The following PCNX2 variants were observed in gnomAD, a reference collection of about 807,000 sequenced individuals.
PCNX2 encodes the protein pecanex-like protein 2.
In PCNX2, 168 loss-of-function variants were observed where a neutral mutation model predicts 223.8. The ratio of observed to expected loss-of-function variants is 0.75; its 90% confidence interval spans 0.66 to 0.85. The LOEUF (loss-of-function observed/expected upper bound fraction) is 0.85. Among genes scored for constraint, PCNX2 ranks in the 40% least tolerant of loss-of-function variants. The pLI is 0.00. For synonymous variants in PCNX2, 1,006 were observed against 1,052.6 expected (o/e 0.96, Z 0.86); for missense variants, 2,507 against 2,675.5 (o/e 0.94, Z 1.39).
At chr1:233,127,890 CAATG>C (rs547604199) in intron 21 of PCNX2, among the ~76,000 whole-genome samples, 90 of 152,328 alleles carry the variant, frequency 5.9e-4, no homozygotes, top group Non-Finnish European at 1.1e-3. Context: ...AGTAAGTGCT[CAATG>C]AATGAACAAT....
intron 23 of PCNX2, among the ~76,000 whole-genome samples, chr1:233,060,842 G>A (rs937032739): frequency 6.6e-6 from 1 of 152,134 alleles, no homozygotes. Flanking sequence ...TACAGAACAA[G>A]AGTCGTATAA....
intron 21 of PCNX2, among the ~76,000 whole-genome samples, chr1:233,097,517 C>T (rs1217240341): frequency 1.3e-5 from 2 of 152,146 alleles, no homozygotes; most frequent in African/African-American, 4.8e-5. Flanking sequence ...GGATTGATCT[C>T]GATTGGTTTC....
chr1:233,016,901 C>A lies in PCNX2; in HGVS notation c.4839+20G>T, dbSNP rs375561904. The A allele has an allele frequency of 3.1e-6, 5 of 1,589,882 alleles. No individual in the cohort carries two copies. Among genetic ancestry groups the A allele is most frequent in the African/African-American group, 1.3e-5 (1 of 74,526 alleles). ...ATTAAACTTACATTCCATGCCTCAGCCCCCACCTCCCTGACCTACCTCTTG... is the reference window on the plus strand; with the variant it reads ...ATTAAACTTACATTCCATGCCTCAGACCCCACCTCCCTGACCTACCTCTTG... On this transcript the variant is annotated intron_variant, in intron 27 of 33. Coordinates refer to ENST00000258229, the MANE Select transcript of PCNX2 (RefSeq NM_014801.4).
At chr1:233,173,954 T>C (rs185503225) in intron 17 of PCNX2, among the ~76,000 whole-genome samples, 1 of 151,242 alleles carries the variant, frequency 6.6e-6, no homozygotes, top group Admixed American at 6.6e-5. Context: ...CACAGAAAAG[T>C]TTTATATACA....
chr1:233,132,318 GTGTC>G (rs897852245), intron 21 of PCNX2, among the ~76,000 whole-genome samples: 5 of 152,126 alleles, frequency 3.3e-5, no homozygotes, highest in African/African-American at 4.8e-5. Context: ...ATGTCGCTGA[GTGTC>G]TGCACCGACT....
At chr1:233,049,657 A>G (rs1326576443) in intron 25 of PCNX2, among the ~76,000 whole-genome samples, 1 of 152,174 alleles carries the variant, frequency 6.6e-6, no homozygotes, top group Non-Finnish European at 1.5e-5. Flanking sequence ...ATAGAAAAAG[A>G]AGTCAAAATA....
intron 17 of PCNX2, among the ~76,000 whole-genome samples, chr1:233,166,741 A>ATC (rs1678819021): frequency 6.6e-6 from 1 of 152,208 alleles, no homozygotes; most frequent in Non-Finnish European, 1.5e-5. Flanking sequence ...CAAAAAGCAG[A>ATC]TATTATTCTG....
At chr1:232,987,930 T>C (rs1261449055) in intron 32 of PCNX2, among the ~76,000 whole-genome samples, 1 of 152,212 alleles carries the variant, frequency 6.6e-6, no homozygotes, top group Non-Finnish European at 1.5e-5. Context: ...CGCCCCACAG[T>C]GCTGGGGGCT....
intron 23 of PCNX2, among the ~76,000 whole-genome samples, chr1:233,077,896 T>C (rs1375743848): frequency 1.3e-5 from 2 of 152,188 alleles, no homozygotes; most frequent in Non-Finnish European, 2.9e-5. Context: ...TGAAAGAGCA[T>C]TATAAGCCCT....
At chr1:233,095,289 T>A (rs767448348) in intron 22 of PCNX2, 28 of 153,926 alleles carry the variant, frequency 1.8e-4, no homozygotes, top group Non-Finnish European at 3.5e-4. Flanking sequence ...GTCTTCCCAA[T>A]GCTGTTTGTA....
chr1:233,213,125 A>G (rs924073805), intron 12 of PCNX2, among the ~76,000 whole-genome samples: 13 of 152,208 alleles, frequency 8.5e-5, no homozygotes, highest in African/African-American at 2.9e-4. Flanking sequence ...AGATCATCAA[A>G]AACTATTAGC....
At chr1:233,014,588 A>C (rs1181255336) in intron 28 of PCNX2, 77 bp downstream of exon 28, 30 of 1,130,772 alleles carry the variant, frequency 2.7e-5, no homozygotes, top group Non-Finnish European at 3.7e-5. Flanking sequence ...AAATAAAGGA[A>C]ATGATTGACA....
intron 23 of PCNX2, among the ~76,000 whole-genome samples, chr1:233,060,115 A>C (rs1672349495): frequency 2.6e-5 from 4 of 152,226 alleles, no homozygotes; most frequent in Admixed American, 2.0e-4. Context: ...TGTGAACCCA[A>C]GTATGCTGTT....
chr1:233,177,243 T>C (rs1343771106), intron 17 of PCNX2, among the ~76,000 whole-genome samples: 7 of 152,222 alleles, frequency 4.6e-5, no homozygotes, highest in Admixed American at 3.3e-4. Flanking sequence ...CTGGCATGCT[T>C]ATACTGGTCC....
chr1:233,303,388 G>T, the PCNX2 span, among the ~76,000 whole-genome samples: 1 of 152,106 alleles, frequency 6.6e-6, no homozygotes, highest in Admixed American at 6.5e-5. Flanking sequence ...GGTGGTGTGT[G>T]CCTGTAGTCC....
chr1:233,295,788 A>G (rs1004579942), upstream of PCNX2: 2 of 287,162 alleles, frequency 7.0e-6, no homozygotes, highest in East Asian at 1.2e-4. This position sits in a 1 kb window ranked among gnomAD's most constrained non-coding sequence, Gnocchi z 4.1. Flanking sequence ...GCTCCTCCCA[A>G]CGCCCGCCCA....
At chr1:233,002,038 C>T (rs753953053) in intron 28 of PCNX2, among the ~76,000 whole-genome samples, 11 of 152,138 alleles carry the variant, frequency 7.2e-5, no homozygotes, top group South Asian at 4.1e-4. Flanking sequence ...ACCCCAGAGA[C>T]GACCAGCTCC....
intron 1 of PCNX2, among the ~76,000 whole-genome samples, chr1:233,266,167 T>C (rs1273545939): frequency 6.6e-6 from 1 of 152,168 alleles, no homozygotes; most frequent in East Asian, 1.9e-4. Flanking sequence ...ATGCTATGCA[T>C]GGTACATTGT....
chr1:232,995,168 CG>C lies in PCNX2; in HGVS notation c.5791+3082del, dbSNP rs146090137. On this transcript the variant is annotated intron_variant, in intron 32 of 33. Transcript: ENST00000258229. ...TGCAGCAAGGATGCTGTGAATACAC[CG>C]GGGGGCAGAGAAAGAGCAGGGTGGC... Among the ~76,000 whole-genome samples, 5 of 152,122 alleles carry C rather than the reference CG, an allele frequency of 3.3e-5. No homozygotes were observed. In the South Asian group the frequency reaches 8.3e-4, roughly 25 times the overall value.
Sources: gnomAD v4.1 joint callset for allele counts (sites outside exome capture counted in the v4.1 genomes callset) on GRCh38, gnomAD v4.1.1 for gene constraint, Gnocchi (gnomAD v3.1) non-coding constraint, MANE v1.5 for transcripts, NCBI Gene and HGNC (gene_info 2026-07-23, HGNC 2026-07-21) for gene names.